The following SGCZ variants were observed in gnomAD, a reference collection of about 807,000 sequenced individuals.
The protein encoded by SGCZ is zeta-sarcoglycan.
Under a neutral mutation model 41.3 loss-of-function variants are expected in SGCZ, and 40 were observed. That is an observed-to-expected ratio of 0.97 (90% CI 0.75 to 1.26). SGCZ has a LOEUF of 1.26. Among genes scored for constraint, SGCZ ranks in the 50% most tolerant of loss-of-function variants. The probability of loss-of-function intolerance (pLI) is 0.00; values close to 1 mark genes in which losing one functional copy is unlikely to be tolerated. For synonymous variants in SGCZ, 206 were observed against 137.5 expected (o/e 1.50, Z -3.49); for missense variants, 552 against 369.8 (o/e 1.49, Z -4.04).
intron 4 of SGCZ, among the ~76,000 whole-genome samples, chr8:14,224,533 T>C (rs1212084006): frequency 6.6e-6 from 1 of 152,220 alleles, no homozygotes; most frequent in Non-Finnish European, 1.5e-5. Flanking sequence ...TATGCAACTT[T>C]GTGCATCTGG....
At position 14,400,752 on chromosome 8, in the gene SGCZ, T is replaced by A. The variant is rs148976393; in HGVS notation, c.235-76548A>T. ...AAAGTGCAAAGCTAAGACTTTGTAATCAATAGTATTTTTTTTTACAGAAAA... is the reference window on the plus strand; with the variant it reads ...AAAGTGCAAAGCTAAGACTTTGTAAACAATAGTATTTTTTTTTACAGAAAA... On this transcript the variant is annotated intron_variant, in intron 2 of 7. Coordinates refer to ENST00000382080, the MANE Select transcript of SGCZ (RefSeq NM_139167.4). 3.5e-4 allele frequency among the ~76,000 whole-genome samples: 45 copies of A among 127,606 alleles called. No homozygotes were observed. In the East Asian group the frequency reaches 8.0e-3, roughly 23 times the overall value. The allele number at this position is 127,606 out of a possible 152,430, so 83.7% of individuals were successfully genotyped here. A position where few individuals can be genotyped will look rare whatever the true frequency, so the allele number is the denominator to read the frequency against.
intron 5 of SGCZ, among the ~76,000 whole-genome samples, chr8:14,163,231 C>T (rs1159612856): frequency 2.0e-5 from 3 of 152,050 alleles, no homozygotes; most frequent in South Asian, 4.1e-4. Flanking sequence ...AAACTTGTGT[C>T]GTGGGGGTTT....
chr8:14,338,493 A>G (rs114669666), intron 2 of SGCZ, among the ~76,000 whole-genome samples: 1,696 of 152,246 alleles, frequency 0.011, 28 homozygotes, highest in African/African-American at 0.038. Flanking sequence ...GCTTGGGGGC[A>G]GGTGGTGCTT....
intron 1 of SGCZ, among the ~76,000 whole-genome samples, chr8:15,152,391 G>A (rs1333713938): frequency 1.3e-5 from 2 of 152,184 alleles, no homozygotes; most frequent in African/African-American, 2.4e-5. Flanking sequence ...AGTACAGTAC[G>A]TGGAAGAAAA....
At position 14,510,383 on chromosome 8, in the gene SGCZ, A is replaced by G. The variant is rs140256063; in HGVS notation, c.234+44349T>C. ...ATTAAAGTTAAAGTTATTGTTTTGTAATGTATAAAGGTTTTCCAATTTCAA... is the reference window on the plus strand; with the variant it reads ...ATTAAAGTTAAAGTTATTGTTTTGTGATGTATAAAGGTTTTCCAATTTCAA... On this transcript the variant is annotated intron_variant, in intron 2 of 7. Transcript: ENST00000382080. Among the ~76,000 whole-genome samples, 3 of 152,248 alleles carry G rather than the reference A, an allele frequency of 2.0e-5. No homozygotes were observed. In the East Asian group the frequency reaches 5.8e-4, roughly 29 times the overall value.
intron 7 of SGCZ, among the ~76,000 whole-genome samples, chr8:14,091,472 C>G (rs1801687989): frequency 6.6e-6 from 1 of 151,950 alleles, no homozygotes; most frequent in South Asian, 2.1e-4. Flanking sequence ...TTCTCCACAT[C>G]CTCCCCAGCA....
chr8:14,343,428 T>C (rs749255026), intron 2 of SGCZ, among the ~76,000 whole-genome samples: 2 of 152,136 alleles, frequency 1.3e-5, no homozygotes, highest in African/African-American at 2.4e-5. Context: ...CAGTCAGAAA[T>C]GGAGGGACTA....
chr8:14,232,757 G>A (rs1179914638), intron 4 of SGCZ, among the ~76,000 whole-genome samples: 3 of 151,994 alleles, frequency 2.0e-5, no homozygotes, highest in African/African-American at 7.2e-5. Flanking sequence ...GACAATAACA[G>A]CAAGGCTTCC....
At chr8:14,747,042 A>T (rs77030954) in intron 1 of SGCZ, among the ~76,000 whole-genome samples, 1,526 of 152,184 alleles carry the variant, frequency 0.01, 16 homozygotes, top group Middle Eastern at 0.02. Context: ...TTTAATGCTC[A>T]TTTTCACTTT....
chr8:15,161,895 C>G (rs369404721), intron 1 of SGCZ, among the ~76,000 whole-genome samples: 157 of 152,128 alleles, frequency 1.0e-3, no homozygotes, highest in African/African-American at 3.6e-3. Flanking sequence ...ATTAGCTGGG[C>G]GTGGGGGTGC....
intron 2 of SGCZ, among the ~76,000 whole-genome samples, chr8:14,450,122 T>G (rs1158693478): frequency 6.6e-6 from 1 of 152,142 alleles, no homozygotes; most frequent in East Asian, 1.9e-4. Context: ...TGCCAATCCT[T>G]TTAGACAGAG....
At chr8:14,862,561 T>G (rs1803790324) in intron 1 of SGCZ, among the ~76,000 whole-genome samples, 1 of 137,992 alleles carries the variant, frequency 7.2e-6, no homozygotes, top group African/African-American at 2.7e-5. Context: ...TATATATATA[T>G]ATATATATAT....
intron 1 of SGCZ, among the ~76,000 whole-genome samples, chr8:15,129,637 A>T (rs1054959013): frequency 6.6e-6 from 1 of 151,528 alleles, no homozygotes; most frequent in African/African-American, 2.4e-5. Flanking sequence ...GAACAGCATC[A>T]TTGAAATAGA....
At chr8:14,481,828 G>C (rs960599773) in intron 2 of SGCZ, among the ~76,000 whole-genome samples, 1 of 152,158 alleles carries the variant, frequency 6.6e-6, no homozygotes, top group East Asian at 1.9e-4. Flanking sequence ...TTTATAAACA[G>C]CTGGAAAACT....
chr8:14,903,641 C>T (rs1159280235), intron 1 of SGCZ, among the ~76,000 whole-genome samples: 3 of 151,962 alleles, frequency 2.0e-5, no homozygotes, highest in African/African-American at 7.2e-5. Flanking sequence ...GGAACACTAT[C>T]CTGGAAGACT....
chr8:14,905,794 A>G (rs1799104627), intron 1 of SGCZ, among the ~76,000 whole-genome samples: 1 of 151,986 alleles, frequency 6.6e-6, no homozygotes, highest in Non-Finnish European at 1.5e-5. Context: ...AATGAGACAA[A>G]ATAAGAAAAA....
chr8:14,203,389 T>C (rs1312646009), intron 4 of SGCZ, among the ~76,000 whole-genome samples: 1 of 152,154 alleles, frequency 6.6e-6, no homozygotes, highest in South Asian at 2.1e-4. Flanking sequence ...TTATTTACCT[T>C]GGCTAACATA....
At chr8:14,660,085 C>G (rs1807699409) in intron 1 of SGCZ, among the ~76,000 whole-genome samples, 1 of 152,126 alleles carries the variant, frequency 6.6e-6, no homozygotes, top group South Asian at 2.1e-4. Context: ...TTGCTGGTGC[C>G]TTGAAATCAG....
At chr8:14,602,646 G>A (rs1805629814) in intron 1 of SGCZ, among the ~76,000 whole-genome samples, 1 of 152,082 alleles carries the variant, frequency 6.6e-6, no homozygotes, top group South Asian at 2.1e-4. Context: ...CTTCTTTGAA[G>A]CCAATCTCTA....
Sources: allele counts gnomAD v4.1 joint callset (sites outside exome capture counted in the v4.1 genomes callset), GRCh38; gene constraint gnomAD v4.1.1; transcripts MANE v1.5; gene names NCBI Gene and HGNC (gene_info 2026-07-23, HGNC 2026-07-21).